TMEM114: variants seen among roughly 807,000 people sequenced by gnomAD.
The protein encoded by TMEM114 is claudin-26.
In TMEM114, 6 loss-of-function variants were observed where a neutral mutation model predicts 6.2. The observed-to-expected ratio is 0.97, with a 90% CI of 0.53 to 1.91. The LOEUF is 1.91. Among genes scored for constraint, TMEM114 ranks in the 40% most tolerant of loss-of-function variants. TMEM114 has a pLI of 0.01. For missense variants in TMEM114, 218 were observed against 158.3 expected (o/e 1.38, Z -2.02); for synonymous variants, 104 against 73.0 (o/e 1.42, Z -2.16).
chr16:8,528,467 C>T, the TMEM114 span, among the ~76,000 whole-genome samples: 1 of 152,164 alleles, frequency 6.6e-6, no homozygotes, highest in South Asian at 2.1e-4. Context: ...AGCATCCAAT[C>T]ACACCCTTCC....
intron 2 of TMEM114, among the ~76,000 whole-genome samples, chr16:8,545,330 G>T (rs1596468221): frequency 6.6e-6 from 1 of 152,172 alleles, no homozygotes; most frequent in African/African-American, 2.4e-5. Flanking sequence ...CAGCTACTCA[G>T]GAGGCTGAGG....
intron 2 of TMEM114, among the ~76,000 whole-genome samples, chr16:8,575,952 A>C (rs1182231863): frequency 6.6e-6 from 1 of 152,164 alleles, no homozygotes; most frequent in Non-Finnish European, 1.5e-5. Flanking sequence ...AACTCCTGTG[A>C]TGGAGAGAAA....
chr16:8,559,708 C>G (rs911391182), intron 2 of TMEM114, among the ~76,000 whole-genome samples: 1 of 152,128 alleles, frequency 6.6e-6, no homozygotes, highest in South Asian at 2.1e-4. Context: ...AACAGAATCC[C>G]CATGCCACCC....
rs867527815 is a variant in TMEM114, at chr16:8,544,432, G to A, written n.213-6606C>T. 8.5e-5 allele frequency among the ~76,000 whole-genome samples: 13 copies of A among 152,182 alleles called. 1 individual carries two copies. The highest frequency in any genetic ancestry group is 1.9e-4 in the East Asian group (1 of 5,196). ...CTGGGAAGTAAAGGGGGTGATATTT[G>A]AGCAGGGTCTTAATGGATATGTAGG... is the stretch of plus-strand genomic sequence containing the variant. On this transcript the variant is annotated intron_variant and non_coding_transcript_variant, in intron 2 of 2. Transcript: ENST00000623677.
At chr16:8,554,305 C>T (rs1345169375) in intron 2 of TMEM114, among the ~76,000 whole-genome samples, 3 of 152,214 alleles carry the variant, frequency 2.0e-5, no homozygotes, top group East Asian at 1.9e-4. Flanking sequence ...CCTGCAATTC[C>T]AGCCCTTTGG....
chr16:8,551,461 A>T (rs566770859), intron 2 of TMEM114, among the ~76,000 whole-genome samples: 8 of 152,342 alleles, frequency 5.3e-5, no homozygotes, highest in Non-Finnish European at 1.2e-4. Context: ...ACAAAGATGA[A>T]AATGTCAAGG....
rs143843127 is a variant in TMEM114, at chr16:8,551,708, G to C, written n.213-13882C>G. ...GAGTAGCGCAATTGATATTATGAGA[G>C]CATCTCAAACAATACTCTGAAATAA... On this transcript the variant is annotated intron_variant and non_coding_transcript_variant, in intron 2 of 2. Coordinates refer to the TMEM114 transcript ENST00000623677. Among the ~76,000 whole-genome samples the C allele has an allele frequency of 1.1e-3, 171 of 152,288 alleles. 1 individual carries two copies. The highest frequency in any genetic ancestry group is 4.1e-3 in the African/African-American group (170 of 41,552).
chr16:8,550,672 T>A (rs1381034948), intron 2 of TMEM114, among the ~76,000 whole-genome samples: 1 of 138,194 alleles, frequency 7.2e-6, no homozygotes, highest in Non-Finnish European at 1.5e-5. Flanking sequence ...GAGCAAAACT[T>A]CGTCAAAAAA....
rs113792138 is a variant in TMEM114, at chr16:8,573,029, T to C, written c.302-805A>G. 5.1e-4 allele frequency among the ~76,000 whole-genome samples: 77 copies of C among 152,348 alleles called. 3 individuals are homozygous for C. The highest frequency in any genetic ancestry group is 1.8e-3 in the African/African-American group (76 of 41,580). On this transcript the variant is annotated intron_variant, in intron 2 of 3. Transcript: ENST00000620492. Reference sequence around the variant, plus strand: ...GCCCCGTTCTCTACAAGAACATATTTGTCACCACAAGGAGGAGCCTCATGC... The same window carrying C: ...GCCCCGTTCTCTACAAGAACATATTCGTCACCACAAGGAGGAGCCTCATGC...
At chr16:8,585,551 G>A (rs1217865859) in intron 2 of TMEM114, among the ~76,000 whole-genome samples, 1 of 151,792 alleles carries the variant, frequency 6.6e-6, no homozygotes, top group Admixed American at 6.6e-5. Context: ...GGTCCTTAAA[G>A]GAATGAAACA....
downstream of TMEM114, among the ~76,000 whole-genome samples, chr16:8,568,125 T>G (rs1283111778): frequency 1.3e-5 from 2 of 152,192 alleles, no homozygotes; most frequent in African/African-American, 4.8e-5. Context: ...CTTAGTCCAG[T>G]TATGTTAACC....
At chr16:8,589,496 C>A in intron 1 of TMEM114, 123 bp downstream of exon 1, 1 of 398,192 alleles carries the variant, frequency 2.5e-6, no homozygotes, top group South Asian at 1.3e-4. Context: ...CCCCGAGTCC[C>A]TAGACATTGT....
At chr16:8,534,452 GC>G (rs1349666704), downstream of TMEM114, among the ~76,000 whole-genome samples, 1 of 152,088 alleles carries the variant, frequency 6.6e-6, no homozygotes, top group Non-Finnish European at 1.5e-5. Flanking sequence ...GTGTAGAATT[GC>G]TTTGAGGGCT....
Position 8,540,775 on chromosome 16 carries a change from C to T in TMEM114, n.213-2949G>A, listed in dbSNP as rs575087395. Among the ~76,000 whole-genome samples, 7 of 152,264 alleles carry T rather than the reference C, an allele frequency of 4.6e-5. No homozygotes were observed. In the East Asian group the frequency reaches 7.7e-4, roughly 17 times the overall value. On this transcript the variant is annotated intron_variant and non_coding_transcript_variant, in intron 2 of 2. Coordinates refer to the TMEM114 transcript ENST00000623677. ...GATGGACATAAACCAAAGAATCACA[C>T]GAATAACTGCTAAATTTTGACAATG...
At chr16:8,553,876 TTCTTTTTTTTTTTTTCTTTTGAGACAGGG>T (rs1900923299) in intron 2 of TMEM114, among the ~76,000 whole-genome samples, 1 of 150,920 alleles carries the variant, frequency 6.6e-6, no homozygotes, top group Non-Finnish European at 1.5e-5. Flanking sequence ...TTTTTTCCTT[TTCTTTTTTTTTTTTTCTTTTGAGACAGGG>T]TCTCTCTCAG....
At chr16:8,543,685 C>G (rs941775610) in intron 2 of TMEM114, among the ~76,000 whole-genome samples, 2 of 152,186 alleles carry the variant, frequency 1.3e-5, no homozygotes, top group Admixed American at 6.5e-5. Context: ...GACCTTTCTT[C>G]TAACATGGAC....
At chr16:8,558,330 C>G (rs1901082557) in intron 2 of TMEM114, among the ~76,000 whole-genome samples, 1 of 152,140 alleles carries the variant, frequency 6.6e-6, no homozygotes, top group African/African-American at 2.4e-5. Context: ...GTGGAGGATC[C>G]TTCTTTGCCT....
At chr16:8,538,004 A>T (rs1900411039) in intron 2 of TMEM114, among the ~76,000 whole-genome samples, 1 of 151,914 alleles carries the variant, frequency 6.6e-6, no homozygotes, top group Non-Finnish European at 1.5e-5. Flanking sequence ...ATATTTAAAC[A>T]TTTTTGCCCT....
chr16:8,550,846 G>T (rs1900819859), intron 2 of TMEM114, among the ~76,000 whole-genome samples: 1 of 152,068 alleles, frequency 6.6e-6, no homozygotes, highest in Admixed American at 6.6e-5. Context: ...TCACCCTGTG[G>T]TCCTCGCTGA....
Sources: allele counts gnomAD v4.1 joint callset (sites outside exome capture counted in the v4.1 genomes callset), GRCh38; gene constraint gnomAD v4.1.1; transcripts MANE v1.5; gene names NCBI Gene and HGNC (gene_info 2026-07-23, HGNC 2026-07-21).